The following ARL15 variants were observed in gnomAD, a reference collection of about 807,000 sequenced individuals.
ARL15 encodes the protein ADP-ribosylation factor-like protein 15.
In ARL15, 19 loss-of-function variants were observed where a neutral mutation model predicts 25.2. That is an observed-to-expected ratio of 0.75 (90% CI 0.53 to 1.10). ARL15 has a LOEUF of 1.10. Ranked by LOEUF, ARL15 falls within the 50% of genes least tolerant of loss-of-function variation. The probability of loss-of-function intolerance (pLI) is 0.00; values close to 1 mark genes in which losing one functional copy is unlikely to be tolerated. For synonymous variants in ARL15, 94 were observed against 86.8 expected (o/e 1.08, Z -0.46); for missense variants, 220 against 246.0 (o/e 0.89, Z 0.71).
chr5:54,107,797 A>G (rs971450608), intron 4 of ARL15, among the ~76,000 whole-genome samples: 1 of 152,202 alleles, frequency 6.6e-6, no homozygotes, highest in Non-Finnish European at 1.5e-5. Context: ...ATTGAGATGT[A>G]TAACTTTATT....
chr5:54,212,980 G>C (rs1313547985), intron 1 of ARL15, among the ~76,000 whole-genome samples: 1 of 152,176 alleles, frequency 6.6e-6, no homozygotes, highest in African/African-American at 2.4e-5. Context: ...AAGGTCCCTT[G>C]ACACACTAAC....
intron 1 of ARL15, among the ~76,000 whole-genome samples, chr5:54,222,014 A>T (rs1756393542): frequency 6.6e-6 from 1 of 152,232 alleles, no homozygotes; most frequent in Admixed American, 6.5e-5. Context: ...AAGCATAAAC[A>T]AAATAAATTC....
intron 3 of ARL15, among the ~76,000 whole-genome samples, chr5:54,125,533 A>G (rs1176365299): frequency 6.6e-6 from 1 of 152,216 alleles, no homozygotes; most frequent in Non-Finnish European, 1.5e-5. Flanking sequence ...ATAATATTCC[A>G]TTGCATGGAT....
intron 4 of ARL15, among the ~76,000 whole-genome samples, chr5:54,025,948 T>C (rs565693808): frequency 2.1e-3 from 313 of 152,352 alleles, no homozygotes; most frequent in African/African-American, 7.1e-3. Flanking sequence ...CTTCCTATAA[T>C]AGCCTCTACC....
At chr5:54,028,217 G>A (rs1000675515) in intron 4 of ARL15, among the ~76,000 whole-genome samples, 4 of 151,942 alleles carry the variant, frequency 2.6e-5, no homozygotes, top group East Asian at 1.9e-4. Flanking sequence ...CACTGCACCC[G>A]GTGACAATAT....
chr5:53,977,185 A>T (rs890568961), intron 4 of ARL15, among the ~76,000 whole-genome samples: 1 of 151,968 alleles, frequency 6.6e-6, no homozygotes, highest in Non-Finnish European at 1.5e-5. Flanking sequence ...GTGAAACCCC[A>T]TCTCTACTAA....
At chr5:54,098,590 C>T (rs1356915775) in intron 4 of ARL15, among the ~76,000 whole-genome samples, 5 of 152,052 alleles carry the variant, frequency 3.3e-5, no homozygotes, top group African/African-American at 4.8e-5. Flanking sequence ...GATCAATGAT[C>T]AAAAGAAACT....
At chr5:54,275,424 TG>T (rs1488932851) in intron 1 of ARL15, among the ~76,000 whole-genome samples, 1 of 152,192 alleles carries the variant, frequency 6.6e-6, no homozygotes, top group Non-Finnish European at 1.5e-5. Context: ...TTCTGGCAAC[TG>T]GGATGTGAGG....
intron 4 of ARL15, among the ~76,000 whole-genome samples, chr5:54,040,381 G>C (rs563231067): frequency 6.6e-6 from 1 of 152,250 alleles, no homozygotes; most frequent in South Asian, 2.1e-4. Context: ...CAAGATATTT[G>C]TTAATAAGAG....
At position 54,106,876 on chromosome 5, in the gene ARL15, C is replaced by T. The variant is rs146010402; in HGVS notation, c.462+6326G>A. ...ATTCTAATATTATGATTTGGATAAGCGCAGGTTGCCAAGGGAAATCAGATG... is the reference window on the plus strand; with the variant it reads ...ATTCTAATATTATGATTTGGATAAGTGCAGGTTGCCAAGGGAAATCAGATG... On this transcript the variant is annotated intron_variant, in intron 4 of 4. Transcript: ENST00000504924. Among the ~76,000 whole-genome samples the T allele has an allele frequency of 4.3e-3, 654 of 152,026 alleles. 5 individuals carry two copies. Among genetic ancestry groups the T allele is most frequent in the African/African-American group, 0.015 (605 of 41,486 alleles).
intron 4 of ARL15, among the ~76,000 whole-genome samples, chr5:54,075,790 T>C (rs1333086075): frequency 2.6e-5 from 4 of 152,160 alleles, no homozygotes; most frequent in Admixed American, 2.0e-4. Context: ...CCCAGTCATA[T>C]AGTTCATGTG....
At chr5:53,894,748 C>T (rs1744819826) in intron 4 of ARL15, among the ~76,000 whole-genome samples, 1 of 152,180 alleles carries the variant, frequency 6.6e-6, no homozygotes, top group Non-Finnish European at 1.5e-5. Context: ...GCTTCCAACC[C>T]TAGGTGCCTC....
intron 1 of ARL15, among the ~76,000 whole-genome samples, chr5:54,303,475 C>T (rs925929132): frequency 6.6e-6 from 1 of 152,012 alleles, no homozygotes; most frequent in Admixed American, 6.5e-5. Flanking sequence ...CAAGCCACTG[C>T]ACTCCAGCTT....
At chr5:53,951,368 G>T (rs1020732617) in intron 4 of ARL15, 3 of 379,374 alleles carry the variant, frequency 7.9e-6, no homozygotes, top group African/African-American at 4.4e-5. Flanking sequence ...CTAAGCTTTT[G>T]TAGAATACAA....
chr5:54,163,563 G>T (rs1315680911), intron 2 of ARL15, among the ~76,000 whole-genome samples: 3 of 151,378 alleles, frequency 2.0e-5, no homozygotes, highest in Non-Finnish European at 3.0e-5. Flanking sequence ...AAAAAAGAAA[G>T]AAAAGGTATC....
intron 4 of ARL15, among the ~76,000 whole-genome samples, chr5:54,076,505 T>C (rs1367050087): frequency 6.6e-6 from 1 of 152,088 alleles, no homozygotes; most frequent in Non-Finnish European, 1.5e-5. Flanking sequence ...ATTCATATCA[T>C]AATATACGTC....
intron 1 of ARL15, among the ~76,000 whole-genome samples, chr5:54,309,342 C>T (rs1758837675): frequency 6.6e-6 from 1 of 152,362 alleles, no homozygotes; most frequent in African/African-American, 2.4e-5. Context: ...AGCCCAAATA[C>T]ACAGATAACA....
At chr5:54,181,820 G>C (rs1004076539) in intron 1 of ARL15, among the ~76,000 whole-genome samples, 1 of 151,614 alleles carries the variant, frequency 6.6e-6, no homozygotes, top group Non-Finnish European at 1.5e-5. Context: ...GTTGTTTCCT[G>C]ACTTTTTAAT....
intron 3 of ARL15, among the ~76,000 whole-genome samples, chr5:54,147,072 C>A (rs949877928): frequency 6.6e-6 from 1 of 152,120 alleles, no homozygotes; most frequent in Non-Finnish European, 1.5e-5. Flanking sequence ...ATAGCTGTGG[C>A]CTTTTAACTC....
Sources: gnomAD v4.1 joint callset for allele counts (sites outside exome capture counted in the v4.1 genomes callset) on GRCh38, gnomAD v4.1.1 for gene constraint, MANE v1.5 for transcripts, NCBI Gene and HGNC (gene_info 2026-07-23, HGNC 2026-07-21) for gene names.